The following DCUN1D3 variants were observed in gnomAD, a reference collection of about 807,000 sequenced individuals.
DCUN1D3 encodes the protein defective in cullin neddylation 1 domain containing 3, also known as DCN1-like protein 3.
A neutral mutation model predicts 24.8 loss-of-function variants in DCUN1D3; 6 were observed. That is an observed-to-expected ratio of 0.24 (90% confidence interval 0.13 to 0.48). DCUN1D3 has a LOEUF of 0.48. Ranked by LOEUF, DCUN1D3 falls within the 20% of genes least tolerant of loss-of-function variation. The pLI, the probability that DCUN1D3 is intolerant of heterozygous loss-of-function variation, is 0.99. For missense variants in DCUN1D3, 258 were observed against 379.4 expected (o/e 0.68, Z 2.66); for synonymous variants, 120 against 144.9 (o/e 0.83, Z 1.24).
At chr16:20,893,737 C>T (rs976706025) in intron 1 of DCUN1D3, among the ~76,000 whole-genome samples, 3 of 152,162 alleles carry the variant, frequency 2.0e-5, no homozygotes, top group Non-Finnish European at 4.4e-5. Context: ...ACCAGATATG[C>T]TAAGATTCTG....
At chr16:20,870,638 GAGGCTTCCTT>G (rs1356961537) in intron 1 of DCUN1D3, among the ~76,000 whole-genome samples, 1 of 152,190 alleles carries the variant, frequency 6.6e-6, no homozygotes. Context: ...GATCTGCTCT[GAGGCTTCCTT>G]GACAGAAGGG....
chr16:20,860,446 C>G lies in DCUN1D3; in HGVS notation c.432-77G>C, dbSNP rs2081726171. 22 of 1,454,266 alleles carry G rather than the reference C, an allele frequency of 1.5e-5. No individual in the cohort carries two copies. Among genetic ancestry groups the G allele is most frequent in the Non-Finnish European group, 2.0e-5 (22 of 1,090,100 alleles). 90.1% of individuals were successfully genotyped at this position (1,454,266 alleles called of 1,614,324 possible). A position where few individuals can be genotyped will look rare whatever the true frequency, so the allele number is the denominator to read the frequency against. ...AGGCAATATACATAGTGATTAAGAGCAAGGCTTTCAGGCCAGATGGTCTGA... is the reference window on the plus strand; with the variant it reads ...AGGCAATATACATAGTGATTAAGAGGAAGGCTTTCAGGCCAGATGGTCTGA... On this transcript the variant is annotated intron_variant, in intron 2 of 2. Transcript: ENST00000324344. The surrounding 1 kb of genome is among the most constrained non-coding windows in gnomAD (Gnocchi z 4.3).
At chr16:20,873,601 C>G (rs2081800263) in intron 1 of DCUN1D3, among the ~76,000 whole-genome samples, 1 of 152,224 alleles carries the variant, frequency 6.6e-6, no homozygotes, top group South Asian at 2.1e-4. Flanking sequence ...GGCTCTTCAT[C>G]AGGTGATTAC....
At chr16:20,875,479 T>C (rs867910857) in intron 1 of DCUN1D3, among the ~76,000 whole-genome samples, 13 of 152,302 alleles carry the variant, frequency 8.5e-5, no homozygotes, top group Middle Eastern at 3.4e-3. Flanking sequence ...AGCCCAGCTC[T>C]ACCAACTCTC....
intron 1 of DCUN1D3, among the ~76,000 whole-genome samples, chr16:20,864,690 C>T (rs766430473): frequency 2.6e-5 from 4 of 152,106 alleles, no homozygotes; most frequent in Non-Finnish European, 5.9e-5. Context: ...CACACGCATG[C>T]GAATGTTCAC....
At chr16:20,892,692 C>T (rs80287422) in intron 1 of DCUN1D3, among the ~76,000 whole-genome samples, 5,628 of 151,976 alleles carry the variant, frequency 0.037, 218 homozygotes, top group African/African-American at 0.097. Context: ...CACTGGTGTT[C>T]GAGAACAGGC....
intron 1 of DCUN1D3, among the ~76,000 whole-genome samples, chr16:20,874,940 G>A (rs2081806327): frequency 6.6e-6 from 1 of 152,020 alleles, no homozygotes; most frequent in Admixed American, 6.6e-5. Context: ...CTGTTGGAAG[G>A]CACTGTGGTA....
chr16:20,871,768 C>G (rs562847343), intron 1 of DCUN1D3, among the ~76,000 whole-genome samples: 1 of 152,292 alleles, frequency 6.6e-6, no homozygotes, highest in Admixed American at 6.5e-5. Flanking sequence ...TTTCACTGAC[C>G]CATACTTGAA....
chr16:20,882,047 C>T (rs1316788707), intron 1 of DCUN1D3, among the ~76,000 whole-genome samples: 6 of 151,960 alleles, frequency 3.9e-5, no homozygotes, highest in East Asian at 1.9e-4. Context: ...GTGATCTGCC[C>T]GCCTCAGCCT....
Position 20,860,788 on chromosome 16 carries a change from G to T in DCUN1D3, c.432-419C>A, listed in dbSNP as rs972753657. On this transcript the variant is annotated intron_variant, in intron 2 of 2. Coordinates refer to ENST00000324344, the MANE Select transcript of DCUN1D3 (RefSeq NM_173475.4). The surrounding 1 kb of genome is among the most constrained non-coding windows in gnomAD (Gnocchi z 4.3). ...ATTCTCTATGGGTTGTTTGTTTGGG[G>T]TATATTTTTAGAGATTGCCAAGGGA... 1.3e-5 allele frequency among the ~76,000 whole-genome samples: 2 copies of T among 152,188 alleles called. No homozygotes were observed. Among genetic ancestry groups the T allele is most frequent in the African/African-American group, 4.8e-5 (2 of 41,428 alleles).
intron 1 of DCUN1D3, among the ~76,000 whole-genome samples, chr16:20,868,508 G>A (rs771637937): frequency 4.6e-5 from 7 of 152,258 alleles, no homozygotes; most frequent in Non-Finnish European, 8.8e-5. Context: ...CGAGGCAGTT[G>A]TACCTCAAAG....
chr16:20,881,533 A>T (rs926154888), intron 1 of DCUN1D3, among the ~76,000 whole-genome samples: 23 of 152,278 alleles, frequency 1.5e-4, no homozygotes, highest in African/African-American at 5.3e-4. Flanking sequence ...TATGACCCAT[A>T]GCTTGGAAAT....
rs1366177916 is a variant in DCUN1D3, at chr16:20,855,673, C to T, written c.*4213G>A. 6.6e-6 allele frequency: 1 copy of T among 152,212 alleles called. No individual in the cohort carries two copies. The highest frequency in any genetic ancestry group is 2.1e-4 in the South Asian group (1 of 4,830). The allele number at this position is 152,212 out of a possible 1,614,324, so 9.4% of individuals were successfully genotyped here. On this transcript the variant is annotated 3_prime_UTR_variant, in exon 3 of 3. Coordinates refer to ENST00000324344, the MANE Select transcript of DCUN1D3 (RefSeq NM_173475.4). ...GGGGAAAACCCCTGCCGATCCTCACCAACATGCAGTCCCAGTCCAGTTTAA... is the reference window on the plus strand; with the variant it reads ...GGGGAAAACCCCTGCCGATCCTCACTAACATGCAGTCCCAGTCCAGTTTAA...
At chr16:20,873,142 T>G (rs1422919788) in intron 1 of DCUN1D3, among the ~76,000 whole-genome samples, 1 of 149,840 alleles carries the variant, frequency 6.7e-6, no homozygotes, top group Non-Finnish European at 1.5e-5. Flanking sequence ...AAAAAACAAC[T>G]AACCAATCCA....
At chr16:20,867,015 G>A (rs534523808) in intron 1 of DCUN1D3, among the ~76,000 whole-genome samples, 1 of 152,334 alleles carries the variant, frequency 6.6e-6, no homozygotes, top group South Asian at 2.1e-4. Flanking sequence ...CTAGCTGATG[G>A]CTAACAGCTA....
At chr16:20,881,618 T>C (rs777057770) in intron 1 of DCUN1D3, among the ~76,000 whole-genome samples, 1 of 152,094 alleles carries the variant, frequency 6.6e-6, no homozygotes, top group Non-Finnish European at 1.5e-5. Flanking sequence ...TTTACAGTCA[T>C]GATAGCATTT....
chr16:20,891,495 C>T (rs1456361774), intron 1 of DCUN1D3, among the ~76,000 whole-genome samples: 1 of 152,090 alleles, frequency 6.6e-6, no homozygotes, highest in Admixed American at 6.6e-5. Context: ...AAATAAAGCC[C>T]TAAGAGACAG....
chr16:20,873,475 A>G (rs779507588), intron 1 of DCUN1D3, among the ~76,000 whole-genome samples: 7 of 152,186 alleles, frequency 4.6e-5, no homozygotes, highest in Non-Finnish European at 1.0e-4. Context: ...GAAATGTGGA[A>G]TGCCTGGAAA....
Position 20,857,107 on chromosome 16 carries a change from T to C in DCUN1D3, c.*2779A>G, listed in dbSNP as rs2081706235. 1.3e-5 allele frequency: 2 copies of C among 152,178 alleles called. No individual in the cohort carries two copies. Among genetic ancestry groups the C allele is most frequent in the South Asian group, 2.1e-4 (1 of 4,832 alleles). 9.4% of individuals were successfully genotyped at this position (152,178 alleles called of 1,614,324 possible). The stretch of plus-strand genomic sequence containing the variant: ...CTTCAAACCCTACACACACCTCACC[T>C]TGGATCCCTTTGCAGAAAAACTGCA... On this transcript the variant is annotated 3_prime_UTR_variant, in exon 3 of 3. Transcript: ENST00000324344.
Sources: gnomAD v4.1 joint callset for allele counts (sites outside exome capture counted in the v4.1 genomes callset) on GRCh38, gnomAD v4.1.1 for gene constraint, Gnocchi (gnomAD v3.1) non-coding constraint, MANE v1.5 for transcripts, NCBI Gene and HGNC (gene_info 2026-07-23, HGNC 2026-07-21) for gene names.